The following GPATCH8 variants were observed in gnomAD, a reference collection of about 807,000 sequenced individuals.
GPATCH8 encodes G-patch domain containing 8.
GPATCH8 carries 18 observed loss-of-function variants against 118.3 expected under a neutral mutation model. The observed-to-expected ratio is 0.15, with a 90% CI of 0.11 to 0.23. The LOEUF (loss-of-function observed/expected upper bound fraction) is 0.23, where lower values mean the gene tolerates loss of function less well. Among genes scored for constraint, GPATCH8 ranks in the 10% least tolerant of loss-of-function variants. GPATCH8 has a pLI of 1.00. For synonymous variants in GPATCH8, 659 were observed against 684.7 expected (o/e 0.96, Z 0.59); for missense variants, 1,631 against 1,873.8 (o/e 0.87, Z 2.39).
chr17:44,416,680 T>G (rs1459722214), intron 6 of GPATCH8, among the ~76,000 whole-genome samples: 1 of 152,226 alleles, frequency 6.6e-6, no homozygotes, highest in Admixed American at 6.5e-5. Context: ...TACATGTTAT[T>G]GGGTAATGAA....
In GPATCH8 at chr17:44,399,357, C is replaced by A; in HGVS notation, c.2720G>T (p.Arg907Leu). 1 of 1,614,110 alleles carries A rather than the reference C, an allele frequency of 6.2e-7. No homozygotes were observed. Residue 907 changes from arginine (R) to leucine (L), a missense_variant, in exon 8 of 8, where the codon CGC becomes CTC. By Grantham distance (102) the Arg-to-Leu change is moderately radical. Around this residue, in one of 8 missense-constraint regions of GPATCH8, gnomAD observed 922 missense variants for 879.7 expected, o/e 1.05. Coordinates refer to ENST00000591680, the MANE Select transcript of GPATCH8 (RefSeq NM_001002909.4). ...YSDRSRRHSKRSHDSDDSDYA... is the reference protein window; with the variant it reads ...YSDRSRRHSKLSHDSDDSDYA... The stretch of plus-strand genomic sequence containing the variant: ...GTCTGAGTCATCTGAGTCATGGGAG[C>A]GCTTGGAGTGCCTTCGTGATCTGTC...
chr17:44,459,662 T>A (rs1176540299), intron 3 of GPATCH8, among the ~76,000 whole-genome samples: 1 of 151,916 alleles, frequency 6.6e-6, no homozygotes, highest in African/African-American at 2.4e-5. Context: ...AATTTAAGTA[T>A]GAAAGGAGTG....
chr17:44,395,884 G>T lies in GPATCH8; in HGVS notation c.*1684C>A, dbSNP rs940556914. On this transcript the variant is annotated 3_prime_UTR_variant, in exon 8 of 8. Coordinates refer to ENST00000591680, the MANE Select transcript of GPATCH8 (RefSeq NM_001002909.4). The stretch of plus-strand genomic sequence containing the variant: ...GGGACCTGCAACACAAGCACCTTTG[G>T]GTCAGTGTGTTAATTAGGGCTGAGA... The T allele has an allele frequency of 1.5e-5, 7 of 453,990 alleles. No individual in the cohort carries two copies. Among genetic ancestry groups the T allele is most frequent in the Non-Finnish European group, 3.1e-5 (7 of 226,794 alleles). The allele number at this position is 453,990 out of a possible 1,614,324, so 28.1% of individuals were successfully genotyped here. A position where few individuals can be genotyped will look rare whatever the true frequency, so the allele number is the denominator to read the frequency against.
At chr17:44,452,276 AAAAAAAAAAAAAAG>A (rs1353129960) in intron 3 of GPATCH8, among the ~76,000 whole-genome samples, 5 of 149,872 alleles carry the variant, frequency 3.3e-5, no homozygotes, top group South Asian at 2.1e-4. Flanking sequence ...CCGTCTCAAA[AAAAAAAAAAAAAAG>A]AAAAAAAAAA....
At chr17:44,448,617 T>C (rs1398584345) in intron 3 of GPATCH8, among the ~76,000 whole-genome samples, 1 of 150,058 alleles carries the variant, frequency 6.7e-6, no homozygotes, top group Non-Finnish European at 1.5e-5. Context: ...TATCACTATA[T>C]ACCCTTTTGC....
chr17:44,483,923 C>G (rs12943380), intron 1 of GPATCH8, among the ~76,000 whole-genome samples: 8,650 of 152,178 alleles, frequency 0.057, 350 homozygotes, highest in Middle Eastern at 0.1. Flanking sequence ...CTCACTGCAA[C>G]CTCCACCTCC....
At chr17:44,465,762 C>T (rs569179076) in intron 2 of GPATCH8, 2 of 152,294 alleles carry the variant, frequency 1.3e-5, no homozygotes, top group African/African-American at 2.4e-5. Flanking sequence ...CAAATTTCTG[C>T]ATTAAAACCA....
intron 3 of GPATCH8, 149 bp downstream of exon 3, chr17:44,464,323 G>A (rs1372596903): frequency 2.7e-6 from 2 of 733,564 alleles, no homozygotes; most frequent in Non-Finnish European, 5.0e-6. Flanking sequence ...TTAAAATACA[G>A]TTATAGGACA....
chr17:44,448,850 A>C (rs1224974893), intron 3 of GPATCH8, among the ~76,000 whole-genome samples: 2 of 152,084 alleles, frequency 1.3e-5, no homozygotes, highest in East Asian at 1.9e-4. Context: ...AAAAAAAAAA[A>C]CTGTCCACCC....
At position 44,399,943 on chromosome 17, in the gene GPATCH8, T is replaced by G. The variant is rs1215611016; in HGVS notation, c.2134A>C (p.Lys712Gln). 2 of 1,614,142 alleles carry G rather than the reference T, an allele frequency of 1.2e-6. No homozygotes were observed. ...TTATTCTTCTTTCGTTTTCGTTTCTTGCGCTTCTTAGATTTCTCCCCTGAC... is the reference window on the plus strand; with the variant it reads ...TTATTCTTCTTTCGTTTTCGTTTCTGGCGCTTCTTAGATTTCTCCCCTGAC... ...AESGEKSKKR[K>Q]KRKRKKNKSS... Residue 712 changes from lysine (K) to glutamine (Q), a missense_variant, in exon 8 of 8, where the codon AAG becomes CAG. Lys to Gln is a moderately conservative substitution (Grantham distance 53). Coordinates refer to ENST00000591680, the MANE Select transcript of GPATCH8 (RefSeq NM_001002909.4).
At chr17:44,419,941 G>C (rs964147974) in intron 6 of GPATCH8, among the ~76,000 whole-genome samples, 1 of 151,722 alleles carries the variant, frequency 6.6e-6, no homozygotes, top group Non-Finnish European at 1.5e-5. Flanking sequence ...GTTTGCATTA[G>C]AACAGCAGTA....
At chr17:44,413,982 T>C (rs2049550800) in intron 6 of GPATCH8, among the ~76,000 whole-genome samples, 1 of 151,746 alleles carries the variant, frequency 6.6e-6, no homozygotes, top group Non-Finnish European at 1.5e-5. Flanking sequence ...CTTGTTTTGC[T>C]ATTTTCAGGA....
At chr17:44,454,129 T>G (rs1008842853) in intron 3 of GPATCH8, among the ~76,000 whole-genome samples, 82 of 152,308 alleles carry the variant, frequency 5.4e-4, no homozygotes, top group African/African-American at 1.9e-3. Context: ...GTTATTCTTC[T>G]TTTGAACACT....
At chr17:44,485,160 G>A (rs955057263) in intron 1 of GPATCH8, among the ~76,000 whole-genome samples, 1 of 151,850 alleles carries the variant, frequency 6.6e-6, no homozygotes, top group African/African-American at 2.4e-5. Context: ...ATCCATGTTG[G>A]AGTGCAGTGA....
chr17:44,480,088 T>A (rs913498617), intron 1 of GPATCH8, among the ~76,000 whole-genome samples: 2 of 151,664 alleles, frequency 1.3e-5, no homozygotes, highest in Non-Finnish European at 2.9e-5. Flanking sequence ...AAAACCTGTA[T>A]CCAGAAAATA....
At chr17:44,475,031 G>A (rs1395483628) in intron 1 of GPATCH8, 128 bp from the exon 2 acceptor site, 13 of 657,338 alleles carry the variant, frequency 2.0e-5, no homozygotes, top group African/African-American at 7.3e-5. Flanking sequence ...CACTGCAATC[G>A]TTCATTTTCA....
chr17:44,443,860 G>C (rs1486711924), intron 3 of GPATCH8, among the ~76,000 whole-genome samples: 2 of 152,038 alleles, frequency 1.3e-5, no homozygotes, highest in Non-Finnish European at 2.9e-5. Context: ...TGTAGAGACG[G>C]GATTTCACCA....
intron 1 of GPATCH8, among the ~76,000 whole-genome samples, chr17:44,477,620 AT>A (rs1967879186): frequency 6.6e-6 from 1 of 151,860 alleles, no homozygotes; most frequent in African/African-American, 2.4e-5. Flanking sequence ...ATAAAATTGT[AT>A]GGCAAAGTCT....
At position 44,401,106 on chromosome 17, in the gene GPATCH8, T is replaced by C; in HGVS notation, c.971A>G (p.Glu324Gly). ...TGTTCCATCTTCAGAGGTCCCTTCC[T>C]CCGCATGGTCCTTGAAAACTGATGC... Reference protein sequence around the residue: ...SIASVFKDHAEEGTSEDGTKP... With the variant: ...SIASVFKDHAGEGTSEDGTKP... The change falls in exon 8 of 8, where the codon GAG becomes GGG. Residue 324 changes from glutamate to glycine, a missense_variant. This residue lies in a region of GPATCH8 where 405 missense variants were observed against 462.7 expected (regional missense o/e 0.88). Transcript: ENST00000591680. 2 of 1,614,128 alleles carry C rather than the reference T, an allele frequency of 1.2e-6. No individual in the cohort carries two copies. Among genetic ancestry groups the C allele is most frequent in the Non-Finnish European group, 1.7e-6 (2 of 1,179,976 alleles).
Sources: allele counts gnomAD v4.1 joint callset (sites outside exome capture counted in the v4.1 genomes callset), GRCh38; gene constraint gnomAD v4.1.1; regional missense constraint gnomAD v4.1.1; transcripts MANE v1.5; gene names NCBI Gene and HGNC (gene_info 2026-07-23, HGNC 2026-07-21).